MYT1: variants seen among roughly 807,000 people sequenced by gnomAD.
The protein encoded by MYT1 is myelin transcription factor I.
A neutral mutation model predicts 123.0 loss-of-function variants in MYT1; 23 were observed. The ratio of observed to expected loss-of-function variants is 0.19; its 90% CI spans 0.13 to 0.26. The LOEUF (loss-of-function observed/expected upper bound fraction) is 0.26. Ranked by LOEUF, MYT1 falls within the 10% of genes least tolerant of loss-of-function variation. The probability of loss-of-function intolerance (pLI) is 1.00; values close to 1 mark genes in which losing one functional copy is unlikely to be tolerated. For synonymous variants in MYT1, 518 were observed against 575.3 expected, an observed-to-expected ratio of 0.90 and a Z score of 1.43; for missense variants, 1,125 against 1,472.5, an observed-to-expected ratio of 0.76 and a Z score of 3.86.
chr20:64,234,914 G>T (rs1601726031), intron 19 of MYT1, among the ~76,000 whole-genome samples: 2 of 142,788 alleles, frequency 1.4e-5, no homozygotes, highest in African/African-American at 2.6e-5. Flanking sequence ...GGTGGTGGTG[G>T]GTGACCCTTG....
chr20:64,169,661 A>G (rs931090629), intron 1 of MYT1, among the ~76,000 whole-genome samples: 1 of 152,174 alleles, frequency 6.6e-6, no homozygotes, highest in Non-Finnish European at 1.5e-5. Flanking sequence ...TGCCCTTACC[A>G]AAGTTTTGTT....
At position 64,240,492 on chromosome 20, in the gene MYT1, C is replaced by T. The variant is rs1293641545; in HGVS notation, c.*44C>T. ...GTGTCCCAGCCCACCACACCGTTTACCTCCCTCGCCCTGCCCCGCACCGTG... is the reference window on the plus strand; with the variant it reads ...GTGTCCCAGCCCACCACACCGTTTATCTCCCTCGCCCTGCCCCGCACCGTG... On this transcript the variant is annotated 3_prime_UTR_variant, in exon 23 of 23. Coordinates refer to ENST00000328439, the MANE Select transcript of MYT1 (RefSeq NM_004535.3). The T allele has an allele frequency of 6.3e-7, 1 of 1,588,456 alleles. No individual in the cohort carries two copies. Among genetic ancestry groups the T allele is most frequent in the African/African-American group, 1.4e-5 (1 of 74,020 alleles).
chr20:64,216,931 G>A (rs549797071), intron 10 of MYT1, 136 bp from the exon 11 acceptor site: 1 of 768,168 alleles, frequency 1.3e-6, no homozygotes, highest in Non-Finnish European at 2.2e-6. Context: ...ATATGCAGGG[G>A]TAGTGTCTTC....
chr20:64,223,389 C>T lies in MYT1; in HGVS notation c.2528+30C>T, dbSNP rs1488567850. ...GTTTGCGCTCCCTGACCTCCTGTCT[C>T]TTGGGCGGCACCCTCGCTTTGCTCT... On this transcript the variant is annotated intron_variant, in intron 16 of 22. Coordinates refer to ENST00000328439, the MANE Select transcript of MYT1 (RefSeq NM_004535.3). 25 of 1,612,308 alleles carry T rather than the reference C, an allele frequency of 1.6e-5. No homozygotes were observed. In the Admixed American group the frequency reaches 4.0e-4, roughly 26 times the overall value.
At chr20:64,201,802 C>T (rs980251766) in intron 4 of MYT1, among the ~76,000 whole-genome samples, 13 of 152,346 alleles carry the variant, frequency 8.5e-5, no homozygotes, top group South Asian at 4.1e-4. Flanking sequence ...ACGCAGAAAA[C>T]GCACCGTTGT....
chr20:64,230,608 C>T (rs775419283), intron 18 of MYT1, among the ~76,000 whole-genome samples: 3 of 152,248 alleles, frequency 2.0e-5, no homozygotes, highest in Non-Finnish European at 4.4e-5. Flanking sequence ...AGAGCCTCTT[C>T]CCAGCCAGTC....
rs1253077237 is a variant in MYT1 at position 64,164,643 on chromosome 20, C to T, written c.-195C>T. The T allele has an allele frequency of 1.3e-5, 2 of 152,054 alleles. No individual in the cohort carries two copies. Among genetic ancestry groups the T allele is most frequent in the African/African-American group, 4.8e-5 (2 of 41,390 alleles). The allele number at this position is 152,054 out of a possible 1,614,324, so 9.4% of individuals were successfully genotyped here. ...TGTACGGGAGGCAGCTGCCTTCCCT[C>T]TCCTCCCCCAGTCCACCCTGCACCC... On this transcript the variant is annotated 5_prime_UTR_variant, in exon 1 of 23. Coordinates refer to ENST00000328439, the MANE Select transcript of MYT1 (RefSeq NM_004535.3).
chr20:64,217,310 T>G, intron 11 of MYT1, 29 bp downstream of exon 11: 1 of 1,609,924 alleles, frequency 6.2e-7, no homozygotes, highest in Non-Finnish European at 8.5e-7. Flanking sequence ...TTCTTGTTTC[T>G]CTTCTGTGTT....
rs1982970955 is a variant in MYT1 at position 64,191,530 on chromosome 20, A to G, written c.-1+1370A>G. 1 of 152,266 alleles carries G rather than the reference A, an allele frequency of 6.6e-6. No individual in the cohort carries two copies. Among genetic ancestry groups the G allele is most frequent in the African/African-American group, 2.4e-5 (1 of 41,462 alleles). 9.4% of individuals were successfully genotyped at this position (152,266 alleles called of 1,614,324 possible). A position where few individuals can be genotyped will look rare whatever the true frequency, so the allele number is the denominator to read the frequency against. ...CCAGCTGTGACTCAGGGCATGGCTC[A>G]AGGACAGTGATGGCGTAGGGTGTAG... On this transcript the variant is annotated intron_variant, in intron 2 of 22. Coordinates refer to ENST00000328439, the MANE Select transcript of MYT1 (RefSeq NM_004535.3). This position sits in a 1 kb window ranked among gnomAD's most constrained non-coding sequence, Gnocchi z 4.1.
intron 13 of MYT1, 63 bp from the exon 14 acceptor site, chr20:64,221,830 T>G (rs906345198): frequency 1.3e-6 from 2 of 1,578,456 alleles, no homozygotes; most frequent in Middle Eastern, 2.3e-4. Context: ...CCTCGCCCAC[T>G]GGGTTGGGCG....
Position 64,212,513 on chromosome 20 carries a change from C to T in MYT1, c.1517+375C>T, listed in dbSNP as rs571131300. Among the ~76,000 whole-genome samples the T allele has an allele frequency of 8.5e-5, 13 of 152,268 alleles. 1 individual carries two copies. Among genetic ancestry groups the T allele is most frequent in the African/African-American group, 3.1e-4 (13 of 41,552 alleles). On this transcript the variant is annotated intron_variant, in intron 9 of 22. Coordinates refer to ENST00000328439, the MANE Select transcript of MYT1 (RefSeq NM_004535.3). This position sits in a 1 kb window ranked among gnomAD's most constrained non-coding sequence, Gnocchi z 6.8. ...TTGCTGCCTTAACCCTACGAGCTCC[C>T]GAGAGAGCAGGGGGCGGCCTGCAGA... is the stretch of plus-strand genomic sequence containing the variant.
chr20:64,188,852 C>T (rs1406814267), intron 1 of MYT1, among the ~76,000 whole-genome samples: 5 of 152,336 alleles, frequency 3.3e-5, no homozygotes, highest in East Asian at 3.9e-4. Flanking sequence ...ATCTCAGCGA[C>T]GGCCTGCGGG....
At chr20:64,200,022 C>A in intron 4 of MYT1, 100 bp downstream of exon 4, 1 of 1,408,812 alleles carries the variant, frequency 7.1e-7, no homozygotes, top group Non-Finnish European at 1.0e-6. Context: ...ATTGACCAAA[C>A]ACCCCTGGTG....
chr20:64,240,330 G>A lies in MYT1; in HGVS notation c.3248G>A (p.Cys1083Tyr). ...NIRLPHMEPI[C>Y]EQNFDAYVST... is the part of the protein sequence containing the mutation. ...GGTTCTGTTCTCTAGGAGCCAATATGCGAACAGAATTTCGATGCCTATGTG... is the reference window on the plus strand; with the variant it reads ...GGTTCTGTTCTCTAGGAGCCAATATACGAACAGAATTTCGATGCCTATGTG... Residue 1083 changes from cysteine to tyrosine, a missense_variant, in exon 23 of 23, where the codon TGC becomes TAC. Physicochemically the swap from Cys to Tyr is radical, Grantham distance 194. This residue lies in a region of MYT1 where 243 missense variants were observed against 323.1 expected (regional missense o/e 0.75). Coordinates refer to ENST00000328439, the MANE Select transcript of MYT1 (RefSeq NM_004535.3). 6.2e-7 allele frequency: 1 copy of A among 1,614,010 alleles called. No individual in the cohort carries two copies. The highest frequency in any genetic ancestry group is 2.2e-5 in the East Asian group (1 of 44,882).
At position 64,208,296 on chromosome 20, in the gene MYT1, C is replaced by T. The variant is rs749879404; in HGVS notation, c.1100C>T (p.Ser367Leu). Residue 367 changes from serine to leucine, a missense_variant, in exon 7 of 23, where the codon TCG becomes TTG. Transcript: ENST00000328439. The surrounding 1 kb of genome is among the most constrained non-coding windows in gnomAD (Gnocchi z 5.4). Reference protein sequence around the residue: ...HSRKSTVTDESEMQDMMTRGN... With the variant: ...HSRKSTVTDELEMQDMMTRGN... ...CGGAAGTCAACAGTCACTGACGAGT[C>T]GGAGATGCAGGACATGATGACCCGG... 18 of 1,614,018 alleles carry T rather than the reference C, an allele frequency of 1.1e-5. 1 individual carries two copies. Among genetic ancestry groups the T allele is most frequent in the Middle Eastern group, 3.3e-4 (2 of 6,084 alleles).
chr20:64,197,753 C>T (rs1162064708), intron 2 of MYT1, among the ~76,000 whole-genome samples: 1 of 152,254 alleles, frequency 6.6e-6, no homozygotes, highest in Admixed American at 6.5e-5. Context: ...ACCACTGCCC[C>T]ACATGTCCTT....
chr20:64,231,358 A>G lies in MYT1; in HGVS notation c.2676-806A>G, dbSNP rs564347069. 1.3e-4 allele frequency among the ~76,000 whole-genome samples: 20 copies of G among 152,300 alleles called. No individual in the cohort carries two copies. Among genetic ancestry groups the G allele is most frequent in the African/African-American group, 4.8e-4 (20 of 41,550 alleles). On this transcript the variant is annotated intron_variant, in intron 18 of 22. Transcript: ENST00000328439. This position sits in a 1 kb window ranked among gnomAD's most constrained non-coding sequence, Gnocchi z 6.4. Reference sequence around the variant, plus strand: ...GTGGGGACAGACACTCAGAGAGGTCATGGGCCTGGGCCCTCTGCGCTGTCC... The same window carrying G: ...GTGGGGACAGACACTCAGAGAGGTCGTGGGCCTGGGCCCTCTGCGCTGTCC...
Position 64,205,812 on chromosome 20 carries a change from C to T in MYT1, c.397+12C>T. The T allele has an allele frequency of 6.2e-7, 1 of 1,612,048 alleles. No individual in the cohort carries two copies. Among genetic ancestry groups the T allele is most frequent in the South Asian group, 1.1e-5 (1 of 90,990 alleles). ...CGAGACAGCTGAAGGTGCTTTGTCGCTCTTTCTTCCCCGAATAAAGGGCGC... is the reference window on the plus strand; with the variant it reads ...CGAGACAGCTGAAGGTGCTTTGTCGTTCTTTCTTCCCCGAATAAAGGGCGC... On this transcript the variant is annotated intron_variant, in intron 6 of 22. Transcript: ENST00000328439.
chr20:64,188,533 C>G (rs1053768321), intron 1 of MYT1, among the ~76,000 whole-genome samples: 35 of 152,170 alleles, frequency 2.3e-4, no homozygotes, highest in Admixed American at 4.6e-4. Flanking sequence ...AAGAGACACA[C>G]AGAGGACCCC....
Sources: allele counts gnomAD v4.1 joint callset (sites outside exome capture counted in the v4.1 genomes callset), GRCh38; gene constraint gnomAD v4.1.1; regional missense constraint gnomAD v4.1.1; non-coding constraint Gnocchi (gnomAD v3.1); transcripts MANE v1.5; gene names NCBI Gene and HGNC (gene_info 2026-07-23, HGNC 2026-07-21).